Variants in NAPA observed in about 807,000 individuals in gnomAD.
NAPA encodes the protein NSF attachment protein alpha, also known as alpha-soluble NSF attachment protein.
NAPA carries 18 observed loss-of-function variants against 48.0 expected under a neutral mutation model. The ratio of observed to expected loss-of-function variants is 0.38; its 90% CI spans 0.26 to 0.56. The LOEUF (loss-of-function observed/expected upper bound fraction) is 0.56. NAPA is among the 20% of genes least tolerant of loss of function. NAPA has a pLI of 0.77. For synonymous variants in NAPA, 152 were observed against 149.9 expected, an observed-to-expected ratio of 1.01 and a Z score of -0.10; for missense variants, 315 against 385.0, an observed-to-expected ratio of 0.82 and a Z score of 1.52.
At chr19:47,489,984 C>T (rs1024898608) in intron 9 of NAPA, among the ~76,000 whole-genome samples, 13 of 152,066 alleles carry the variant, frequency 8.5e-5, no homozygotes, top group Admixed American at 1.3e-4. Context: ...GCAACCTTAC[C>T]AACATAGAAC....
chr19:47,491,065 G>A, intron 8 of NAPA: 2 of 503,028 alleles, frequency 4.0e-6, no homozygotes, highest in Non-Finnish European at 7.1e-6. Flanking sequence ...GATGGCTGCA[G>A]GGAGAGGTGG....
chr19:47,492,731 G>A (rs1968306822), intron 7 of NAPA: 1 of 676,964 alleles, frequency 1.5e-6, no homozygotes, highest in East Asian at 2.8e-5. Flanking sequence ...GGGTGTGGGA[G>A]GGGCACAGCC....
At chr19:47,514,560 G>C (rs1968868064) in intron 1 of NAPA, among the ~76,000 whole-genome samples, 1 of 152,052 alleles carries the variant, frequency 6.6e-6, no homozygotes, top group African/African-American at 2.4e-5. Flanking sequence ...CTTCGGCCTG[G>C]GTCCCCTTCC....
intron 2 of NAPA, among the ~76,000 whole-genome samples, chr19:47,500,994 C>T (rs930765031): frequency 3.9e-5 from 6 of 152,132 alleles, no homozygotes; most frequent in African/African-American, 7.2e-5. Flanking sequence ...TCTCTGAGGG[C>T]GGCAGGAAGC....
rs116212749 is a variant in NAPA at position 47,504,106 on chromosome 19, G to T, written c.99-604C>A. Among the ~76,000 whole-genome samples the T allele has an allele frequency of 3.5e-3, 533 of 152,130 alleles. 4 individuals are homozygous for T. The highest frequency in any genetic ancestry group is 0.012 in the African/African-American group (517 of 41,512). ...CATTTGTGTTTAAAAAAAAAAGAGGGTGGGCTGGGTGTGGTGGTTCATGGC... is the reference window on the plus strand; with the variant it reads ...CATTTGTGTTTAAAAAAAAAAGAGGTTGGGCTGGGTGTGGTGGTTCATGGC... On this transcript the variant is annotated intron_variant, in intron 1 of 10. Transcript: ENST00000263354.
At chr19:47,509,650 A>G (rs1302222455) in intron 1 of NAPA, among the ~76,000 whole-genome samples, 1 of 152,138 alleles carries the variant, frequency 6.6e-6, no homozygotes, top group Admixed American at 6.5e-5. Flanking sequence ...CTTCATCTCC[A>G]TCCCAGATTA....
chr19:47,486,392 A>G (rs894219419), downstream of NAPA, among the ~76,000 whole-genome samples: 1 of 151,974 alleles, frequency 6.6e-6, no homozygotes. Context: ...AAAGGGTAGG[A>G]AACCTCAGTC....
At position 47,488,434 on chromosome 19, in the gene NAPA, CCAA is replaced by C. The variant is rs768668904; in HGVS notation, c.787-48_787-46del. ...TAGGCTGGCCATGCTCCCCCCGTTC[CCAA>C]CCCTGCAGCCCAAGGGCACTTGTCC... On this transcript the variant is annotated intron_variant, in intron 10 of 10. Coordinates refer to ENST00000263354, the MANE Select transcript of NAPA (RefSeq NM_003827.4). 609 of 1,512,710 alleles carry C rather than the reference CCAA, an allele frequency of 4.0e-4. 5 individuals are homozygous for C. The highest frequency in any genetic ancestry group is 1.7e-3 in the Middle Eastern group (10 of 5,856). 93.7% of individuals were successfully genotyped at this position (1,512,710 alleles called of 1,614,324 possible). A position where few individuals can be genotyped will look rare whatever the true frequency, so the allele number is the denominator to read the frequency against.
At chr19:47,502,188 C>G (rs1013614150) in intron 2 of NAPA, among the ~76,000 whole-genome samples, 4 of 128,236 alleles carry the variant, frequency 3.1e-5, no homozygotes, top group Non-Finnish European at 4.6e-5. Flanking sequence ...TTGCAGTGAG[C>G]CAAGATCGCG....
Position 47,500,620 on chromosome 19 carries a change from C to A in NAPA, c.295+13G>T. On this transcript the variant is annotated intron_variant, in intron 3 of 10. Coordinates refer to ENST00000263354, the MANE Select transcript of NAPA (RefSeq NM_003827.4). ...CCGGACAGCCAGCCCGTGTGGCCCGCAGAGGCCCTCACCTTGGGGGTCGGC... is the reference window on the plus strand; with the variant it reads ...CCGGACAGCCAGCCCGTGTGGCCCGAAGAGGCCCTCACCTTGGGGGTCGGC... The A allele has an allele frequency of 6.3e-7, 1 of 1,596,434 alleles. No homozygotes were observed.
chr19:47,513,846 C>CTTTTTTTTTTTTTTTTTT (rs776314156), intron 1 of NAPA, among the ~76,000 whole-genome samples: 1 of 115,854 alleles, frequency 8.6e-6, no homozygotes, highest in African/African-American at 3.8e-5. Context: ...TTCTTTCTTT[C>CTTTTTTTTTTTTTTTTTT]TTTTTTTTTT....
intron 2 of NAPA, among the ~76,000 whole-genome samples, chr19:47,502,716 G>A (rs575809014): frequency 2.0e-4 from 30 of 152,312 alleles, no homozygotes; most frequent in Admixed American, 1.6e-3. Context: ...CAACACACTG[G>A]CTTGTTGGAC....
At chr19:47,501,556 G>A (rs1968576917) in intron 2 of NAPA, 1 of 152,296 alleles carries the variant, frequency 6.6e-6, no homozygotes. Context: ...GTCCAGAGAG[G>A]GAAACAGGAT....
At chr19:47,490,692 A>T (rs1469680351) in intron 9 of NAPA, 96 bp downstream of exon 9, 30 of 1,013,334 alleles carry the variant, frequency 3.0e-5, no homozygotes, top group Non-Finnish European at 4.1e-5. Flanking sequence ...ACCCTCTGAG[A>T]ACTACTGGAC....
chr19:47,493,184 C>A lies in NAPA; in HGVS notation c.421-10G>T. ...CGTAGTGGGCAATGGCCTGGGGAGACACGGGGGATGGGTTCCAGGGGAGGG... is the reference window on the plus strand; with the variant it reads ...CGTAGTGGGCAATGGCCTGGGGAGAAACGGGGGATGGGTTCCAGGGGAGGG... On this transcript the variant is annotated splice_polypyrimidine_tract_variant and intron_variant, in intron 5 of 10. Transcript: ENST00000263354. The surrounding 1 kb of genome is among the most constrained non-coding windows in gnomAD (Gnocchi z 6.4). The A allele has an allele frequency of 6.3e-7, 1 of 1,580,430 alleles. No homozygotes were observed. The highest frequency in any genetic ancestry group is 1.2e-5 in the South Asian group (1 of 85,404).
Position 47,514,824 on chromosome 19 carries a change from C to CCCT in NAPA, c.98+16_98+18dup. 1 of 1,609,564 alleles carries CCCT rather than the reference C, an allele frequency of 6.2e-7. No homozygotes were observed. The highest frequency in any genetic ancestry group is 8.5e-7 in the Non-Finnish European group (1 of 1,176,518). Reference sequence around the variant, plus strand: ...CCTCTCAGCCTAGGTCCCGGCCGACCCCTCAGCCCGGTTCTCACCCAAAGA... The same window carrying CCCT: ...CCTCTCAGCCTAGGTCCCGGCCGACCCCTCCTCAGCCCGGTTCTCACCCAAAGA... On this transcript the variant is annotated intron_variant, in intron 1 of 10. Coordinates refer to ENST00000263354, the MANE Select transcript of NAPA (RefSeq NM_003827.4).
chr19:47,501,227 C>T (rs962285129), intron 2 of NAPA, among the ~76,000 whole-genome samples: 2 of 152,138 alleles, frequency 1.3e-5, no homozygotes, highest in African/African-American at 4.8e-5. Context: ...AGGGGAGCCT[C>T]GAAGCACAGG....
intron 4 of NAPA, chr19:47,495,310 A>G (rs538567557): frequency 3.5e-6 from 2 of 577,130 alleles, no homozygotes; most frequent in South Asian, 4.4e-5. Flanking sequence ...CCTAAGTTCT[A>G]TGAATGAAAA....
intron 3 of NAPA, chr19:47,497,130 G>A (rs1968448125): frequency 9.2e-6 from 2 of 218,110 alleles, no homozygotes; most frequent in South Asian, 1.0e-4. Flanking sequence ...AGCAGCAGCT[G>A]GAGTGAGGTG....
Sources: gnomAD v4.1 joint callset for allele counts (sites outside exome capture counted in the v4.1 genomes callset) on GRCh38, gnomAD v4.1.1 for gene constraint, Gnocchi (gnomAD v3.1) non-coding constraint, MANE v1.5 for transcripts, NCBI Gene and HGNC (gene_info 2026-07-23, HGNC 2026-07-21) for gene names.